The following CGNL1 variants were observed in gnomAD, a reference collection of about 807,000 sequenced individuals.
CGNL1 encodes the protein cingulin like 1.
In CGNL1, 132 loss-of-function variants were observed where a neutral mutation model predicts 141.2. That is an observed-to-expected ratio of 0.93 (90% CI 0.81 to 1.08). The LOEUF (loss-of-function observed/expected upper bound fraction) is 1.08, where lower values mean the gene tolerates loss of function less well. Among genes scored for constraint, CGNL1 ranks in the 50% least tolerant of loss-of-function variants. CGNL1 has a pLI of 0.00. For missense variants in CGNL1, 1,870 were observed against 1,588.6 expected, an observed-to-expected ratio of 1.18 and a Z score of -3.01; for synonymous variants, 690 against 622.1, an observed-to-expected ratio of 1.11 and a Z score of -1.63.
intron 7 of CGNL1, among the ~76,000 whole-genome samples, chr15:57,459,741 G>T (rs1339519538): frequency 6.6e-6 from 1 of 152,180 alleles, no homozygotes; most frequent in East Asian, 1.9e-4. Context: ...AGACTAGGAC[G>T]AGAGAAAGTC....
intron 1 of CGNL1, among the ~76,000 whole-genome samples, chr15:57,381,930 T>A (rs539477516): frequency 6.6e-6 from 1 of 152,346 alleles, no homozygotes; most frequent in East Asian, 1.9e-4. Flanking sequence ...GAGGGTAGAT[T>A]AGGCTGTGCA....
chr15:57,490,740 G>A (rs1463661857), intron 8 of CGNL1, among the ~76,000 whole-genome samples: 2 of 152,170 alleles, frequency 1.3e-5, no homozygotes, highest in Admixed American at 6.5e-5. Flanking sequence ...TGAAGTGGGG[G>A]AGAAAAGAGT....
At chr15:57,506,615 T>C (rs2152394668) in intron 8 of CGNL1, among the ~76,000 whole-genome samples, 1 of 152,276 alleles carries the variant, frequency 6.6e-6, no homozygotes, top group South Asian at 2.1e-4. Context: ...TGGCTGGCTC[T>C]GGGGAATTTT....
chr15:57,418,283 A>G (rs1340770358), intron 1 of CGNL1, among the ~76,000 whole-genome samples: 1 of 152,154 alleles, frequency 6.6e-6, no homozygotes, highest in Non-Finnish European at 1.5e-5. Flanking sequence ...CTATGGCTAA[A>G]CAAGCGTAAT....
At chr15:57,420,931 C>T (rs28576065) in intron 1 of CGNL1, among the ~76,000 whole-genome samples, 40,719 of 152,074 alleles carry the variant, frequency 0.27, 5,598 homozygotes, top group East Asian at 0.43. Flanking sequence ...TTATTCCCAT[C>T]CATTTGCTAT....
chr15:57,442,353 CT>C lies in CGNL1; in HGVS notation c.1698-19del. On this transcript the variant is annotated intron_variant, in intron 3 of 18. Coordinates refer to ENST00000281282, the MANE Select transcript of CGNL1 (RefSeq NM_032866.5). ...CAGTGGTTGTGTCCCTCATTGTTTT[CT>C]CTGCTGTCCCTTTTTCAGAAGCACT... is the stretch of plus-strand genomic sequence containing the variant. The C allele has an allele frequency of 2.6e-6, 4 of 1,517,502 alleles. No homozygotes were observed. Among genetic ancestry groups the C allele is most frequent in the Non-Finnish European group, 3.7e-6 (4 of 1,093,080 alleles). 94.0% of individuals were successfully genotyped at this position (1,517,502 alleles called of 1,614,324 possible).
chr15:57,480,137 G>C (rs1275673724), intron 8 of CGNL1, among the ~76,000 whole-genome samples: 2 of 150,990 alleles, frequency 1.3e-5, no homozygotes, highest in Non-Finnish European at 2.9e-5. Flanking sequence ...CTCTAGAAGA[G>C]GATAAATGAA....
rs951032091 is a variant in CGNL1, at chr15:57,392,665, T to C, written c.-16+16098T>C. On this transcript the variant is annotated intron_variant, in intron 1 of 18. Transcript: ENST00000281282. The stretch of plus-strand genomic sequence containing the variant: ...CTTCTGTTCATCATCTGTCTCCTAC[T>C]GAAGGCTATTGTCCCAGGATCTGGA... Among the ~76,000 whole-genome samples the C allele has an allele frequency of 3.9e-5, 6 of 152,340 alleles. No individual in the cohort carries two copies. The East Asian group carries it at 1.2e-3, about 29-fold the overall frequency.
chr15:57,456,890 A>T (rs534564508), intron 7 of CGNL1, among the ~76,000 whole-genome samples: 127 of 152,376 alleles, frequency 8.3e-4, no homozygotes, highest in Non-Finnish European at 1.6e-3. Flanking sequence ...CTTCAGTCTC[A>T]TTAAAATAGT....
chr15:57,422,590 C>T (rs1019418185), intron 1 of CGNL1, among the ~76,000 whole-genome samples: 3 of 152,204 alleles, frequency 2.0e-5, no homozygotes, highest in Admixed American at 6.5e-5. Context: ...CAGCATAGTT[C>T]GGAGCAGGTT....
chr15:57,396,464 G>A lies in CGNL1; in HGVS notation c.-16+19897G>A, dbSNP rs190182573. ...AATTTTTAATTTTTAAAAGAGACAG[G>A]GTTTCGCCATGTTGGCCAGGCTGGT... On this transcript the variant is annotated intron_variant, in intron 1 of 18. Transcript: ENST00000281282. Among the ~76,000 whole-genome samples the A allele has an allele frequency of 2.7e-3, 415 of 151,644 alleles. 2 individuals carry two copies. Among genetic ancestry groups the A allele is most frequent in the African/African-American group, 9.7e-3 (399 of 41,294 alleles).
At chr15:57,540,091 C>T (rs546633045) in intron 14 of CGNL1, among the ~76,000 whole-genome samples, 20 of 152,286 alleles carry the variant, frequency 1.3e-4, no homozygotes, top group Non-Finnish European at 2.8e-4. Context: ...AACCTGCCCC[C>T]TCACCTCCCT....
chr15:57,523,374 C>A (rs550142841), intron 10 of CGNL1, 115 bp from the exon 11 acceptor site: 3 of 820,408 alleles, frequency 3.7e-6, no homozygotes, highest in Non-Finnish European at 5.7e-6. Flanking sequence ...TTCCTCATCA[C>A]GGATTTAACA....
At chr15:57,543,934 G>A (rs563637451) in intron 15 of CGNL1, among the ~76,000 whole-genome samples, 155 bp downstream of exon 15, 1 of 152,046 alleles carries the variant, frequency 6.6e-6, no homozygotes, top group South Asian at 2.1e-4. Context: ...TGTTTTTCCC[G>A]GTCATATGAA....
intron 14 of CGNL1, among the ~76,000 whole-genome samples, chr15:57,538,395 ACT>A (rs1274379261): frequency 7.2e-5 from 11 of 152,106 alleles, no homozygotes; most frequent in Admixed American, 1.3e-4. Flanking sequence ...CCTGTTCTTC[ACT>A]CTGATTTATT....
At position 57,550,302 on chromosome 15, in the gene CGNL1, G is replaced by A. The variant is rs1338716346; in HGVS notation, c.*2812G>A. 2.0e-5 allele frequency: 3 copies of A among 152,564 alleles called. No homozygotes were observed. Among genetic ancestry groups the A allele is most frequent in the African/African-American group, 7.2e-5 (3 of 41,402 alleles). The allele number at this position is 152,564 out of a possible 1,614,324, so 9.5% of individuals were successfully genotyped here. A position where few individuals can be genotyped will look rare whatever the true frequency, so the allele number is the denominator to read the frequency against. On this transcript the variant is annotated 3_prime_UTR_variant, in exon 19 of 19. Coordinates refer to ENST00000281282, the MANE Select transcript of CGNL1 (RefSeq NM_032866.5). ...TCACTCTCAGAGCCATGGATTACCT[G>A]GAACAAAGTGCAGATTAGTGCCCAC...
intron 1 of CGNL1, among the ~76,000 whole-genome samples, chr15:57,427,528 A>G (rs2062989273): frequency 6.6e-6 from 1 of 152,234 alleles, no homozygotes; most frequent in South Asian, 2.1e-4. Flanking sequence ...TTTTGCAATC[A>G]TTTGGCTAAA....
chr15:57,432,325 T>G (rs891216411), intron 1 of CGNL1, among the ~76,000 whole-genome samples: 14 of 152,156 alleles, frequency 9.2e-5, no homozygotes, highest in African/African-American at 1.9e-4. Flanking sequence ...TGGACCAGCA[T>G]TACGTGACTA....
chr15:57,392,069 C>A (rs2062550172), intron 1 of CGNL1, among the ~76,000 whole-genome samples: 3 of 151,526 alleles, frequency 2.0e-5, no homozygotes, highest in Non-Finnish European at 4.4e-5. Flanking sequence ...TTGTGAATAT[C>A]AATTTCTGGA....
Sources: allele counts gnomAD v4.1 joint callset (sites outside exome capture counted in the v4.1 genomes callset), GRCh38; gene constraint gnomAD v4.1.1; transcripts MANE v1.5; gene names NCBI Gene and HGNC (gene_info 2026-07-23, HGNC 2026-07-21).